SLC24A2: variants seen among roughly 807,000 people sequenced by gnomAD.
The protein encoded by SLC24A2 is sodium/potassium/calcium exchanger 2.
A neutral mutation model predicts 62.0 loss-of-function variants in SLC24A2; 36 were observed. The ratio of observed to expected loss-of-function variants is 0.58; its 90% CI spans 0.44 to 0.77. The LOEUF is 0.77. SLC24A2 is among the 30% of genes least tolerant of loss of function. The pLI is 0.00. For missense variants in SLC24A2, 846 were observed against 817.9 expected (o/e 1.03, Z -0.42); for synonymous variants, 358 against 294.0 (o/e 1.22, Z -2.23).
the SLC24A2 span, among the ~76,000 whole-genome samples, chr9:19,938,181 T>C: frequency 5.3e-5 from 8 of 152,282 alleles, no homozygotes; most frequent in East Asian, 1.3e-3. Flanking sequence ...AAAATCTTTT[T>C]AAAAGTCTGT....
At chr9:20,285,835 G>C in the SLC24A2 span, among the ~76,000 whole-genome samples, 2 of 152,170 alleles carry the variant, frequency 1.3e-5, no homozygotes, top group African/African-American at 4.8e-5. Flanking sequence ...CACCAAGGAA[G>C]GGCATGCACA....
chr9:19,710,057 C>G (rs1201902261), intron 2 of SLC24A2, among the ~76,000 whole-genome samples: 1 of 152,118 alleles, frequency 6.6e-6, no homozygotes, highest in Non-Finnish European at 1.5e-5. Flanking sequence ...CAGATTTCCT[C>G]CTCCCTAATC....
At chr9:20,043,917 C>G in the SLC24A2 span, among the ~76,000 whole-genome samples, 3 of 152,150 alleles carry the variant, frequency 2.0e-5, no homozygotes, top group African/African-American at 7.2e-5. Flanking sequence ...AACAGTATCA[C>G]ATGCTACAGA....
At chr9:19,623,579 TAA>T (rs1395693687) in intron 2 of SLC24A2, among the ~76,000 whole-genome samples, 1 of 152,226 alleles carries the variant, frequency 6.6e-6, no homozygotes, top group African/African-American at 2.4e-5. Context: ...GCCAATCATT[TAA>T]GTTAGGATTA....
At chr9:20,103,437 G>A in the SLC24A2 span, among the ~76,000 whole-genome samples, 1 of 152,156 alleles carries the variant, frequency 6.6e-6, no homozygotes, top group Non-Finnish European at 1.5e-5. Context: ...AGCCTAACTG[G>A]GAGGCACCCC....
chr9:20,222,495 A>C, the SLC24A2 span, among the ~76,000 whole-genome samples: 1 of 152,110 alleles, frequency 6.6e-6, no homozygotes, highest in Non-Finnish European at 1.5e-5. Context: ...AAGACAAGGC[A>C]AATATCCAAC....
chr9:19,975,993 G>A, the SLC24A2 span, among the ~76,000 whole-genome samples: 7 of 151,966 alleles, frequency 4.6e-5, no homozygotes, highest in African/African-American at 1.7e-4. Context: ...GGGCTCAAGC[G>A]ATCCTCCCAA....
chr9:19,737,026 G>A (rs1019469427), intron 2 of SLC24A2, among the ~76,000 whole-genome samples: 2 of 152,170 alleles, frequency 1.3e-5, no homozygotes, highest in African/African-American at 4.8e-5. Context: ...ACTTCTGCCA[G>A]GAATTGATAG....
chr9:19,882,261 C>T, the SLC24A2 span, among the ~76,000 whole-genome samples: 1 of 152,156 alleles, frequency 6.6e-6, no homozygotes, highest in Non-Finnish European at 1.5e-5. Flanking sequence ...ACCGAACATG[C>T]ATTTTTAAGT....
At chr9:19,790,207 G>A (rs1183769572), upstream of SLC24A2, among the ~76,000 whole-genome samples, 5 of 152,250 alleles carry the variant, frequency 3.3e-5, no homozygotes, top group East Asian at 7.7e-4. Flanking sequence ...AGTGCTTGCA[G>A]ACTATAGGTG....
chr9:20,092,306 A>G, the SLC24A2 span, among the ~76,000 whole-genome samples: 1 of 152,216 alleles, frequency 6.6e-6, no homozygotes, highest in Non-Finnish European at 1.5e-5. Context: ...TTGTATTTGT[A>G]TGCTAGCTTT....
chr9:20,115,449 C>A, the SLC24A2 span, among the ~76,000 whole-genome samples: 1 of 152,052 alleles, frequency 6.6e-6, no homozygotes, highest in East Asian at 1.9e-4. Context: ...TAGAAAGACC[C>A]TGATTCTGAG....
the SLC24A2 span, among the ~76,000 whole-genome samples, chr9:19,795,211 G>A: frequency 6.6e-6 from 1 of 152,110 alleles, no homozygotes; most frequent in Non-Finnish European, 1.5e-5. Flanking sequence ...TATGTGGTGG[G>A]CGTAGTGGGC....
At chr9:19,706,013 G>C (rs1337613096) in intron 2 of SLC24A2, among the ~76,000 whole-genome samples, 2 of 151,998 alleles carry the variant, frequency 1.3e-5, no homozygotes, top group African/African-American at 4.8e-5. Context: ...TCGTTGATCT[G>C]TCTAATGTTG....
intron 8 of SLC24A2, among the ~76,000 whole-genome samples, chr9:19,531,129 C>G (rs1017969629): frequency 1.3e-5 from 2 of 152,202 alleles, no homozygotes; most frequent in Admixed American, 1.3e-4. Flanking sequence ...CCATGTTGTT[C>G]CTGCTTTGGA....
At chr9:19,647,580 A>G (rs996104255) in intron 2 of SLC24A2, among the ~76,000 whole-genome samples, 2 of 152,236 alleles carry the variant, frequency 1.3e-5, no homozygotes, top group South Asian at 4.1e-4. Flanking sequence ...TGGGACATTA[A>G]TGGCAATTTA....
chr9:20,190,224 T>C, the SLC24A2 span, among the ~76,000 whole-genome samples: 6 of 152,270 alleles, frequency 3.9e-5, no homozygotes, highest in Middle Eastern at 3.4e-3. Flanking sequence ...AGGTAACTCA[T>C]TGACTATGCT....
At chr9:20,164,045 G>A in the SLC24A2 span, among the ~76,000 whole-genome samples, 1 of 152,046 alleles carries the variant, frequency 6.6e-6, no homozygotes. Flanking sequence ...GAAAACCTAG[G>A]CATTACCATT....
chr9:19,943,165 G>A, the SLC24A2 span, among the ~76,000 whole-genome samples: 1 of 152,092 alleles, frequency 6.6e-6, no homozygotes, highest in Non-Finnish European at 1.5e-5. Flanking sequence ...CCCTACAAAT[G>A]TGCTACTCAG....
Sources: gnomAD v4.1 joint callset for allele counts (sites outside exome capture counted in the v4.1 genomes callset) on GRCh38, gnomAD v4.1.1 for gene constraint, MANE v1.5 for transcripts, NCBI Gene and HGNC (gene_info 2026-07-23, HGNC 2026-07-21) for gene names.